MAGI1: variants seen among roughly 807,000 people sequenced by gnomAD.
MAGI1 encodes the protein membrane associated guanylate kinase, WW and PDZ domain containing 1, also known as membrane-associated guanylate kinase, WW and PDZ domain-containing protein 1.
A neutral mutation model predicts 139.9 loss-of-function variants in MAGI1; 58 were observed. The observed-to-expected ratio is 0.41, with a 90% CI of 0.34 to 0.52. The LOEUF is 0.52. Among genes scored for constraint, MAGI1 ranks in the 20% least tolerant of loss-of-function variants. The probability of loss-of-function intolerance (pLI) is 0.12; values close to 1 mark genes in which losing one functional copy is unlikely to be tolerated. For missense variants in MAGI1, 1,874 were observed against 1,901.6 expected, an observed-to-expected ratio of 0.99 and a Z score of 0.27; for synonymous variants, 812 against 737.9, an observed-to-expected ratio of 1.10 and a Z score of -1.63.
In MAGI1 at chr3:65,356,832, G is replaced by T; in HGVS notation, c.3935C>A (p.Ala1312Glu). The T allele has an allele frequency of 8.1e-6, 13 of 1,612,126 alleles. No homozygotes were observed. Among genetic ancestry groups the T allele is most frequent in the Non-Finnish European group, 1.1e-5 (13 of 1,178,768 alleles). Residue 1312 changes from alanine (A) to glutamate (E), a missense_variant, in exon 23 of 23, where the codon GCG becomes GAG. Ala to Glu is a moderately radical substitution (Grantham distance 107, BLOSUM62 -1). Around this residue, in one of 5 missense-constraint regions of MAGI1, gnomAD observed 653 missense variants for 644.5 expected, o/e 1.01. Transcript: ENST00000402939. ...EGRRDAQAER[A>E]AAANGPKRRS... ...CCTCTTGGGGCCGTTGGCGGCTGCC[G>T]CGCGCTCGGCCTGCGCGTCCCTCCG...
At position 65,430,132 on chromosome 3, in the gene MAGI1, T is replaced by C; in HGVS notation, c.1555A>G (p.Ile519Val). 6.2e-7 allele frequency: 1 copy of C among 1,611,910 alleles called. No homozygotes were observed. The highest frequency in any genetic ancestry group is 8.5e-7 in the Non-Finnish European group (1 of 1,178,306). ...ACACAGGTGTCATTCACACTTACAATCACATCCCCTGTAGAAGGCAAGAGT... is the reference window on the plus strand; with the variant it reads ...ACACAGGTGTCATTCACACTTACAACCACATCCCCTGTAGAAGGCAAGAGT... The part of the protein sequence containing the change: ...LDGKMETGDV[I>V]VSVNDTCVLG... Residue 519 changes from isoleucine to valine, a missense_variant, in exon 12 of 23, where the codon ATT becomes GTT. By Grantham distance (29) the Ile-to-Val change is conservative. This residue lies in a region of MAGI1 where 86 missense variants were observed against 130.0 expected (regional missense o/e 0.66). Coordinates refer to ENST00000402939, the MANE Select transcript of MAGI1 (RefSeq NM_001033057.2).
intron 1 of MAGI1, among the ~76,000 whole-genome samples, chr3:65,673,482 T>G (rs2107475020): frequency 6.6e-6 from 1 of 152,336 alleles, no homozygotes; most frequent in Middle Eastern, 3.4e-3. Flanking sequence ...GTGTACCATA[T>G]TTAGCCCCTG....
rs566447571 is a variant in MAGI1, at chr3:65,923,266, C to T, written c.313+114730G>A. Among the ~76,000 whole-genome samples, 483 of 144,734 alleles carry T rather than the reference C, an allele frequency of 3.3e-3. 1 individual carries two copies. The highest frequency in any genetic ancestry group is 4.9e-3 in the Non-Finnish European group (328 of 67,316). 95.0% of individuals were successfully genotyped at this position (144,734 alleles called of 152,430 possible). ...TTTGAGATGGAGTCTCGCTCTGTCA[C>T]CCAGGCTGGAGTGCAGTGGTGTGAT... On this transcript the variant is annotated intron_variant, in intron 1 of 22. Transcript: ENST00000402939.
chr3:65,550,443 T>C (rs1353855705), intron 2 of MAGI1, among the ~76,000 whole-genome samples: 5 of 152,170 alleles, frequency 3.3e-5, no homozygotes, highest in Non-Finnish European at 7.3e-5. Flanking sequence ...ACCTCTTCAC[T>C]GGCAAGAATA....
At chr3:65,366,425 T>C (rs1264184516) in intron 18 of MAGI1, among the ~76,000 whole-genome samples, 1 of 152,164 alleles carries the variant, frequency 6.6e-6, no homozygotes, top group Non-Finnish European at 1.5e-5. Context: ...TGGGACAATG[T>C]TTCCCAAAAT....
rs1418849717 is a variant in MAGI1 at position 65,354,861 on chromosome 3, C to T, written c.*1517G>A. The T allele has an allele frequency of 1.3e-5, 2 of 151,842 alleles. No individual in the cohort carries two copies. Among genetic ancestry groups the T allele is most frequent in the Non-Finnish European group, 2.9e-5 (2 of 67,908 alleles). 9.4% of individuals were successfully genotyped at this position (151,842 alleles called of 1,614,324 possible). ...ATTAATTACAATTTTTAGCTCTGTA[C>T]ACGCAATGATTGGCTGGTTTTCTTT... On this transcript the variant is annotated 3_prime_UTR_variant, in exon 23 of 23. Transcript: ENST00000402939.
chr3:65,379,414 T>TGCTGCC lies in MAGI1; in HGVS notation c.2836_2841dup (p.Gly946_Ser947dup). 1 of 1,613,452 alleles carries TGCTGCC rather than the reference T, an allele frequency of 6.2e-7. No homozygotes were observed. Among genetic ancestry groups the TGCTGCC allele is most frequent in the Non-Finnish European group, 8.5e-7 (1 of 1,179,582 alleles). ...CCGCCGCCACTGCCGATGCCGCTGG[T>TGCTGCC]GCTGCCGCTGCCCGAGCTCACCGTG... is the stretch of plus-strand genomic sequence containing the variant. On this transcript the variant is annotated inframe_insertion, in exon 17 of 23. Transcript: ENST00000402939.
intron 17 of MAGI1, among the ~76,000 whole-genome samples, chr3:65,378,786 A>G (rs1241213845): frequency 6.6e-6 from 1 of 151,072 alleles, no homozygotes; most frequent in East Asian, 2.0e-4. Flanking sequence ...GGTTCAAGCG[A>G]TTCTCTTGCC....
chr3:65,944,291 C>T (rs2063455469), intron 1 of MAGI1, among the ~76,000 whole-genome samples: 1 of 152,076 alleles, frequency 6.6e-6, no homozygotes, highest in Non-Finnish European at 1.5e-5. Context: ...AGAGGCAGGA[C>T]AGCTTGAGCC....
chr3:65,665,459 T>C (rs1413468495), intron 1 of MAGI1, among the ~76,000 whole-genome samples: 1 of 152,184 alleles, frequency 6.6e-6, no homozygotes, highest in Non-Finnish European at 1.5e-5. Flanking sequence ...ATCAGGAAAG[T>C]GTTCAACCCT....
chr3:65,472,619 G>A (rs1390923770), intron 4 of MAGI1, among the ~76,000 whole-genome samples: 1 of 152,176 alleles, frequency 6.6e-6, no homozygotes, highest in African/African-American at 2.4e-5. Context: ...CTTAGGACAG[G>A]TGTTGCCCTG....
intron 5 of MAGI1, among the ~76,000 whole-genome samples, chr3:65,455,489 T>C (rs1427781343): frequency 6.6e-6 from 1 of 152,142 alleles, no homozygotes; most frequent in Non-Finnish European, 1.5e-5. Flanking sequence ...GCCAGGTGGA[T>C]TGCTTGAGCT....
intron 1 of MAGI1, among the ~76,000 whole-genome samples, chr3:65,955,856 CAG>C (rs2064100350): frequency 6.6e-6 from 1 of 151,982 alleles, no homozygotes; most frequent in Non-Finnish European, 1.5e-5. Flanking sequence ...TTACCCATGC[CAG>C]AGTGTTCTGT....
At chr3:65,498,382 C>T (rs763996592) in intron 2 of MAGI1, among the ~76,000 whole-genome samples, 49 of 151,734 alleles carry the variant, frequency 3.2e-4, no homozygotes, top group Non-Finnish European at 1.5e-4. Flanking sequence ...CCAACGATAT[C>T]TTGCAGTTAT....
At chr3:65,828,768 C>A (rs542874235) in intron 1 of MAGI1, among the ~76,000 whole-genome samples, 3 of 152,124 alleles carry the variant, frequency 2.0e-5, no homozygotes, top group Admixed American at 1.3e-4. Flanking sequence ...CCTAGTCGGG[C>A]GGATCTAATC....
rs1269471035 is a variant in MAGI1 at position 65,379,465 on chromosome 3, G to A, written c.2791C>T (p.Pro931Ser). 1 of 1,614,064 alleles carries A rather than the reference G, an allele frequency of 6.2e-7. No individual in the cohort carries two copies. Among genetic ancestry groups the A allele is most frequent in the Non-Finnish European group, 8.5e-7 (1 of 1,179,952 alleles). ...PASLTEEKRT[P>S]QGSQNSLNTV... ...TTCAGCGAGTTCTGGCTGCCCTGCG[G>A]AGTGCGCTTCTCTTCTGTCAGCGAG... Residue 931 changes from proline to serine, a missense_variant, in exon 17 of 23, where the codon CCG becomes TCG. This residue lies in a region of MAGI1 where 482 missense variants were observed against 509.6 expected (regional missense o/e 0.95). Coordinates refer to ENST00000402939, the MANE Select transcript of MAGI1 (RefSeq NM_001033057.2).
At chr3:65,871,858 G>C (rs143673789) in intron 1 of MAGI1, among the ~76,000 whole-genome samples, 23 of 152,184 alleles carry the variant, frequency 1.5e-4, no homozygotes, top group African/African-American at 5.1e-4. Context: ...TCCCTTATTG[G>C]AGCAGCCCAG....
intron 2 of MAGI1, among the ~76,000 whole-genome samples, chr3:65,499,185 G>A (rs1265618997): frequency 6.6e-6 from 1 of 151,356 alleles, no homozygotes; most frequent in African/African-American, 2.4e-5. Flanking sequence ...AATGTTCTTA[G>A]ATATTTGTGA....
intron 1 of MAGI1, among the ~76,000 whole-genome samples, chr3:65,813,573 T>C (rs2041417798): frequency 6.6e-6 from 1 of 152,196 alleles, no homozygotes; most frequent in African/African-American, 2.4e-5. Flanking sequence ...CAGAGTTGAC[T>C]ATGGGTAAGT....
Sources: gnomAD v4.1 joint callset for allele counts (sites outside exome capture counted in the v4.1 genomes callset) on GRCh38, gnomAD v4.1.1 for gene constraint, gnomAD v4.1.1 regional missense constraint, MANE v1.5 for transcripts, NCBI Gene and HGNC (gene_info 2026-07-23, HGNC 2026-07-21) for gene names.